The following UGGT2 variants were observed in gnomAD, a reference collection of about 807,000 sequenced individuals.
The protein encoded by UGGT2 is UDP-glucose glycoprotein glucosyltransferase 2.
UGGT2 carries 180 observed loss-of-function variants against 192.1 expected under a neutral mutation model. The ratio of observed to expected loss-of-function variants is 0.94; its 90% CI spans 0.83 to 1.06. The LOEUF is 1.06. Among genes scored for constraint, UGGT2 ranks in the 50% least tolerant of loss-of-function variants. UGGT2 has a pLI of 0.00. For synonymous variants in UGGT2, 580 were observed against 591.0 expected (o/e 0.98, Z 0.27); for missense variants, 1,849 against 1,795.7 (o/e 1.03, Z -0.54).
intron 7 of UGGT2, chr13:95,991,134 T>G (rs927676215): frequency 5.9e-6 from 1 of 169,606 alleles, no homozygotes; most frequent in Non-Finnish European, 1.3e-5. Flanking sequence ...TGATGGACAT[T>G]TGGGTTGGTT....
At chr13:95,829,102 T>A (rs771484403) in intron 38 of UGGT2, among the ~76,000 whole-genome samples, 1 of 152,160 alleles carries the variant, frequency 6.6e-6, no homozygotes, top group Non-Finnish European at 1.5e-5. Flanking sequence ...CGAAAAGGTC[T>A]TTGACAAAAT....
chr13:95,990,748 A>G (rs2051430513), intron 7 of UGGT2: 1 of 152,172 alleles, frequency 6.6e-6, no homozygotes, highest in Non-Finnish European at 1.5e-5. Context: ...ATTATACTTT[A>G]AGTTCTGGGA....
chr13:95,890,920 A>G lies in UGGT2; in HGVS notation c.2900T>C (p.Val967Ala). The part of the protein sequence containing the change: ...NPQENDMFFN[V>A]IAIVDPLTRE... ...TGTTAATGGATCAACAATAGCAATGACATTGAAGAACATATCATTCTCTTG... is the reference window on the plus strand; with the variant it reads ...TGTTAATGGATCAACAATAGCAATGGCATTGAAGAACATATCATTCTCTTG... The change falls in exon 25 of 39, where the codon GTC (valine) becomes GCC (alanine). Residue 967 changes from valine (V) to alanine (A), a missense_variant. Coordinates refer to ENST00000376747, the MANE Select transcript of UGGT2 (RefSeq NM_020121.4). 1.2e-6 allele frequency: 2 copies of G among 1,612,896 alleles called. No individual in the cohort carries two copies. The highest frequency in any genetic ancestry group is 1.7e-6 in the Non-Finnish European group (2 of 1,179,376).
intron 26 of UGGT2, among the ~76,000 whole-genome samples, chr13:95,885,992 T>TA (rs2047635211): frequency 2.0e-5 from 3 of 151,990 alleles, no homozygotes; most frequent in Non-Finnish European, 4.4e-5. Flanking sequence ...GAGCAACTTT[T>TA]AAAAAAATTG....
chr13:96,042,828 T>C (rs960045111), intron 1 of UGGT2, among the ~76,000 whole-genome samples: 3 of 151,862 alleles, frequency 2.0e-5, no homozygotes, highest in Non-Finnish European at 4.4e-5. Context: ...AAAAGGATAA[T>C]AAAATATGAA....
intron 10 of UGGT2, among the ~76,000 whole-genome samples, chr13:95,980,927 G>C (rs1292281232): frequency 6.6e-6 from 1 of 152,180 alleles, no homozygotes; most frequent in Non-Finnish European, 1.5e-5. Flanking sequence ...GAACCCGGGA[G>C]GCAGAGGCTG....
intron 4 of UGGT2, among the ~76,000 whole-genome samples, chr13:96,018,607 T>G (rs1168041141): frequency 6.6e-6 from 1 of 152,084 alleles, no homozygotes; most frequent in Non-Finnish European, 1.5e-5. Context: ...GAGTATAACT[T>G]TCTCCCAGTG....
chr13:95,989,173 G>A (rs1187810094), intron 8 of UGGT2, among the ~76,000 whole-genome samples: 1 of 151,922 alleles, frequency 6.6e-6, no homozygotes, highest in East Asian at 1.9e-4. Context: ...TTGAATGGTA[G>A]AATTTAAAAG....
chr13:96,010,567 A>T (rs57799865), intron 5 of UGGT2, among the ~76,000 whole-genome samples: 2,874 of 151,584 alleles, frequency 0.019, 80 homozygotes, highest in African/African-American at 0.066. Flanking sequence ...AAATAAGGTT[A>T]AAAAAAAATA....
chr13:96,000,290 G>C (rs1566811502), intron 5 of UGGT2, among the ~76,000 whole-genome samples: 1 of 152,170 alleles, frequency 6.6e-6, no homozygotes, highest in Non-Finnish European at 1.5e-5. Flanking sequence ...GTTATTCTTT[G>C]TATTCTCTTC....
chr13:95,842,359 T>C (rs1887958452), intron 36 of UGGT2, among the ~76,000 whole-genome samples: 1 of 152,236 alleles, frequency 6.6e-6, no homozygotes, highest in Non-Finnish European at 1.5e-5. Flanking sequence ...TTGGTATGGA[T>C]CAGCATTGTT....
intron 29 of UGGT2, among the ~76,000 whole-genome samples, chr13:95,871,862 G>A (rs777419150): frequency 2.6e-5 from 4 of 152,308 alleles, no homozygotes; most frequent in East Asian, 1.9e-4. Flanking sequence ...TTAAGAGTCC[G>A]CAGAGAGTGA....
At chr13:95,967,980 A>C (rs2050642804) in intron 12 of UGGT2, among the ~76,000 whole-genome samples, 2 of 152,150 alleles carry the variant, frequency 1.3e-5, no homozygotes, top group African/African-American at 4.8e-5. Flanking sequence ...CATTTTATTA[A>C]AGCCTTTTAT....
intron 23 of UGGT2, 102 bp downstream of exon 23, chr13:95,895,078 A>G (rs1278388792): frequency 2.5e-6 from 3 of 1,190,094 alleles, no homozygotes; most frequent in Admixed American, 3.0e-5. Context: ...CTTTTATTAT[A>G]CCTTTACTTG....
chr13:95,980,453 G>GA (rs1353818952), intron 10 of UGGT2, among the ~76,000 whole-genome samples: 2 of 152,010 alleles, frequency 1.3e-5, no homozygotes, highest in Non-Finnish European at 2.9e-5. Flanking sequence ...GGACTCGGGG[G>GA]AAAGGGCGGG....
intron 27 of UGGT2, among the ~76,000 whole-genome samples, chr13:95,883,248 C>T (rs1181440712): frequency 6.6e-6 from 1 of 152,094 alleles, no homozygotes; most frequent in Non-Finnish European, 1.5e-5. Flanking sequence ...GAGAAATAAA[C>T]ATTATAAACA....
intron 8 of UGGT2, among the ~76,000 whole-genome samples, chr13:95,987,717 A>C (rs189006499): frequency 6.6e-6 from 1 of 152,282 alleles, no homozygotes; most frequent in East Asian, 1.9e-4. Context: ...GTCCTTAATG[A>C]TGCAAATGAC....
chr13:95,975,801 A>G (rs2050919367), intron 10 of UGGT2, among the ~76,000 whole-genome samples: 1 of 152,124 alleles, frequency 6.6e-6, no homozygotes, highest in African/African-American at 2.4e-5. Context: ...CTGAAATTTA[A>G]ATTTTTCTTA....
chr13:96,006,375 A>G (rs1024644065), intron 5 of UGGT2, among the ~76,000 whole-genome samples: 7 of 152,198 alleles, frequency 4.6e-5, no homozygotes, highest in Non-Finnish European at 8.8e-5. Flanking sequence ...CTGTAATCCC[A>G]GCACTATGGG....
Sources: gnomAD v4.1 joint callset for allele counts (sites outside exome capture counted in the v4.1 genomes callset) on GRCh38, gnomAD v4.1.1 for gene constraint, MANE v1.5 for transcripts, NCBI Gene and HGNC (gene_info 2026-07-23, HGNC 2026-07-21) for gene names.